STK3: variants seen among roughly 807,000 people sequenced by gnomAD.
STK3 encodes the protein serine/threonine kinase 3, also known as serine/threonine-protein kinase 3.
Under a neutral mutation model 58.0 loss-of-function variants are expected in STK3, and 41 were observed. The ratio of observed to expected loss-of-function variants is 0.71; its 90% confidence interval spans 0.55 to 0.92. The LOEUF (loss-of-function observed/expected upper bound fraction) is 0.92. STK3 is among the 40% of genes least tolerant of loss of function. The probability of loss-of-function intolerance (pLI) is 0.00; values close to 1 mark genes in which losing one functional copy is unlikely to be tolerated. For missense variants in STK3, 479 were observed against 602.7 expected (o/e 0.79, Z 2.15); for synonymous variants, 170 against 191.0 (o/e 0.89, Z 0.91).
intron 1 of STK3, among the ~76,000 whole-genome samples, chr8:98,824,465 G>C (rs1014118640): frequency 8.5e-5 from 13 of 152,186 alleles, no homozygotes; most frequent in African/African-American, 3.1e-4. Context: ...AAAGAAAAAA[G>C]TGCCCAATTC....
intron 10 of STK3, among the ~76,000 whole-genome samples, chr8:98,500,744 C>CT (rs1823516197): frequency 6.6e-6 from 1 of 152,126 alleles, no homozygotes; most frequent in African/African-American, 2.4e-5. Context: ...GAACTCATCC[C>CT]TTTTTTATGG....
At chr8:98,489,080 AT>A (rs1050445993) in intron 10 of STK3, among the ~76,000 whole-genome samples, 2 of 152,150 alleles carry the variant, frequency 1.3e-5, no homozygotes, top group Admixed American at 6.5e-5. Flanking sequence ...GGGGCTCTCG[AT>A]GCAGAAACTG....
intron 6 of STK3, among the ~76,000 whole-genome samples, chr8:98,612,225 T>C (rs1228182162): frequency 6.6e-6 from 1 of 150,638 alleles, no homozygotes; most frequent in South Asian, 2.1e-4. Context: ...TCTCGTTAAG[T>C]ACAACCAAAA....
intron 1 of STK3, chr8:98,782,130 G>A: frequency 4.2e-6 from 1 of 236,192 alleles, no homozygotes; most frequent in Admixed American, 4.3e-5. Flanking sequence ...TGAGACCAAT[G>A]AAATTGGCCA....
intron 1 of STK3, among the ~76,000 whole-genome samples, chr8:98,913,922 T>C (rs1171090363): frequency 6.6e-6 from 1 of 152,212 alleles, no homozygotes; most frequent in African/African-American, 2.4e-5. Context: ...ACACGGAGGC[T>C]GGATTTATCA....
At chr8:98,870,496 C>T (rs1048977745) in intron 3 of STK3, among the ~76,000 whole-genome samples, 26 of 152,210 alleles carry the variant, frequency 1.7e-4, no homozygotes, top group African/African-American at 5.8e-4. Flanking sequence ...ACATCCTCTC[C>T]AGCACCTGTT....
chr8:98,409,636 C>T (rs961966030), intron 3 of STK3, among the ~76,000 whole-genome samples: 2 of 152,258 alleles, frequency 1.3e-5, no homozygotes, highest in African/African-American at 2.4e-5. Context: ...GTGAATTTTG[C>T]AATGTGAATT....
At chr8:98,429,463 G>A (rs1395989668) in intron 3 of STK3, 3 of 1,375,904 alleles carry the variant, frequency 2.2e-6, no homozygotes, top group Non-Finnish European at 2.0e-6. Context: ...TGCCTCTTGT[G>A]CCTCTGGCAC....
chr8:98,721,064 G>A (rs1372187906), intron 4 of STK3: 26 of 981,950 alleles, frequency 2.6e-5, no homozygotes, highest in Non-Finnish European at 3.0e-5. Flanking sequence ...GTAGAAGTAA[G>A]CACACTCACC....
chr8:98,589,488 C>G (rs1238398900), intron 7 of STK3, among the ~76,000 whole-genome samples: 1 of 152,130 alleles, frequency 6.6e-6, no homozygotes, highest in Admixed American at 6.5e-5. Flanking sequence ...GGGAGAACCA[C>G]TGCTCTCTTC....
intron 6 of STK3, among the ~76,000 whole-genome samples, chr8:98,622,602 A>G (rs1172716867): frequency 6.6e-6 from 1 of 152,236 alleles, no homozygotes; most frequent in African/African-American, 2.4e-5. Context: ...TTCAAGAAGA[A>G]CTATATTAAT....
intron 3 of STK3, among the ~76,000 whole-genome samples, chr8:98,833,074 GA>G (rs2131787650): frequency 6.6e-6 from 1 of 152,316 alleles, no homozygotes; most frequent in Admixed American, 6.5e-5. Context: ...AGGAGGTCCT[GA>G]GAATACGTGC....
At chr8:98,615,193 A>T (rs1398378526) in intron 6 of STK3, among the ~76,000 whole-genome samples, 1 of 151,786 alleles carries the variant, frequency 6.6e-6, no homozygotes, top group Non-Finnish European at 1.5e-5. Flanking sequence ...ACCCCCTAGC[A>T]GGGGCACACT....
upstream of STK3, among the ~76,000 whole-genome samples, chr8:98,390,036 G>T (rs1489174841): frequency 1.3e-5 from 2 of 152,020 alleles, no homozygotes; most frequent in Admixed American, 6.6e-5. Flanking sequence ...AGTACCCTCA[G>T]GGCTGATGTA....
chr8:98,839,453 A>G (rs952450441), intron 3 of STK3, among the ~76,000 whole-genome samples: 4 of 152,164 alleles, frequency 2.6e-5, no homozygotes, highest in Non-Finnish European at 5.9e-5. Context: ...TCAAACTTTA[A>G]TATTTTTGTT....
In STK3 at chr8:98,941,963, T is replaced by G. The variant is rs151141684; in HGVS notation, c.-79+415A>C. On this transcript the variant is annotated intron_variant, in intron 1 of 1. Transcript: ENST00000519420. ...ATGGAACGGCTCCGCGGAGACAGCCTCGGGGGCACAGCCGGGCCACTGCAG... is the reference window on the plus strand; with the variant it reads ...ATGGAACGGCTCCGCGGAGACAGCCGCGGGGGCACAGCCGGGCCACTGCAG... 1.9e-4 allele frequency among the ~76,000 whole-genome samples: 29 copies of G among 152,260 alleles called. No individual in the cohort carries two copies. The East Asian group carries it at 5.6e-3, about 29-fold the overall frequency.
intron 3 of STK3, among the ~76,000 whole-genome samples, chr8:98,836,821 C>A (rs1213438306): frequency 6.6e-6 from 1 of 152,032 alleles, no homozygotes; most frequent in African/African-American, 2.4e-5. Flanking sequence ...GTCTCGGTAC[C>A]ATTTTACACT....
intron 6 of STK3, among the ~76,000 whole-genome samples, chr8:98,690,271 A>G (rs1283635524): frequency 6.6e-6 from 1 of 152,208 alleles, no homozygotes; most frequent in South Asian, 2.1e-4. Context: ...TTCACTGACA[A>G]TATAATTGTA....
In STK3 at chr8:98,428,218, A is replaced by C; in HGVS notation, n.483+5909T>G. Reference sequence around the variant, plus strand: ...GACCGCAACCCTGAGCTCTTCCCCTACGTGCTGCATTTCTATCACACCGGC... The same window carrying C: ...GACCGCAACCCTGAGCTCTTCCCCTCCGTGCTGCATTTCTATCACACCGGC... On this transcript the variant is annotated intron_variant and non_coding_transcript_variant, in intron 3 of 3. Coordinates refer to the STK3 transcript ENST00000517832. The surrounding 1 kb of genome is among the most constrained non-coding windows in gnomAD (Gnocchi z 6.7). 1.2e-6 allele frequency: 2 copies of C among 1,613,946 alleles called. No homozygotes were observed. Among genetic ancestry groups the C allele is most frequent in the East Asian group, 2.2e-5 (1 of 44,870 alleles).
Sources: allele counts gnomAD v4.1 joint callset (sites outside exome capture counted in the v4.1 genomes callset), GRCh38; gene constraint gnomAD v4.1.1; non-coding constraint Gnocchi (gnomAD v3.1); transcripts MANE v1.5; gene names NCBI Gene and HGNC (gene_info 2026-07-23, HGNC 2026-07-21).